Variants in EXOC4 observed in about 807,000 individuals in gnomAD.
The protein encoded by EXOC4 is SEC8-like 1.
EXOC4 carries 71 observed loss-of-function variants against 107.2 expected under a neutral mutation model. The ratio of observed to expected loss-of-function variants is 0.66; its 90% CI spans 0.55 to 0.81. The LOEUF (loss-of-function observed/expected upper bound fraction) is 0.81. Among genes scored for constraint, EXOC4 ranks in the 30% least tolerant of loss-of-function variants. The probability of loss-of-function intolerance (pLI) is 0.00; values close to 1 mark genes in which losing one functional copy is unlikely to be tolerated. For synonymous variants in EXOC4, 456 were observed against 441.2 expected, an observed-to-expected ratio of 1.03 and a Z score of -0.42; for missense variants, 1,108 against 1,189.6, an observed-to-expected ratio of 0.93 and a Z score of 1.01.
chr7:133,926,042 CAAAAAAA>C (rs552126104), intron 13 of EXOC4, among the ~76,000 whole-genome samples: 2 of 104,710 alleles, frequency 1.9e-5, no homozygotes, highest in African/African-American at 3.4e-5. Context: ...GACTCCGTCT[CAAAAAAA>C]AAAAAAAAAA....
At chr7:133,508,563 C>T (rs1239714734) in intron 9 of EXOC4, among the ~76,000 whole-genome samples, 2 of 152,180 alleles carry the variant, frequency 1.3e-5, no homozygotes, top group African/African-American at 4.8e-5. Flanking sequence ...TAGAATTATG[C>T]ATGCGCTGTA....
At chr7:133,748,060 G>T (rs1017747512) in intron 10 of EXOC4, among the ~76,000 whole-genome samples, 1 of 152,022 alleles carries the variant, frequency 6.6e-6, no homozygotes, top group African/African-American at 2.4e-5. Context: ...TTCTCTTCCC[G>T]GGGGCATATA....
At chr7:133,304,032 T>C (rs908660401) in intron 3 of EXOC4, among the ~76,000 whole-genome samples, 1 of 152,234 alleles carries the variant, frequency 6.6e-6, no homozygotes, top group Non-Finnish European at 1.5e-5. Context: ...ATTTGGAACA[T>C]GTACTGTTTG....
In EXOC4 at chr7:133,817,292, A is replaced by G. The variant is rs754610696; in HGVS notation, c.1515-33A>G. 3.3e-6 allele frequency: 5 copies of G among 1,495,002 alleles called. 1 individual carries two copies. The South Asian group carries it at 5.8e-5, about 17-fold the overall frequency. 92.6% of individuals were successfully genotyped at this position (1,495,002 alleles called of 1,614,324 possible). A position where few individuals can be genotyped will look rare whatever the true frequency, so the allele number is the denominator to read the frequency against. On this transcript the variant is annotated intron_variant, in intron 10 of 17. Coordinates refer to ENST00000253861, the MANE Select transcript of EXOC4 (RefSeq NM_021807.4). ...GTATTTATATAACATTTTCCTCATA[A>G]ATTTAATAACCTTCTTACTGTTTGT...
At chr7:133,928,699 A>G (rs1166284214) in intron 13 of EXOC4, among the ~76,000 whole-genome samples, 1 of 152,046 alleles carries the variant, frequency 6.6e-6, no homozygotes, top group Non-Finnish European at 1.5e-5. Flanking sequence ...CTACTGCTGG[A>G]GGGAAAAATA....
At chr7:134,098,625 C>T in the EXOC4 span, among the ~76,000 whole-genome samples, 2 of 152,178 alleles carry the variant, frequency 1.3e-5, no homozygotes, top group Admixed American at 6.5e-5. Context: ...GCCTCTCTAG[C>T]AGTTGGAAGT....
rs200527868 is a variant in EXOC4 at position 133,907,636 on chromosome 7, C to T, written c.1872-9947C>T. ...GTGGATCACCTTGAGGTCAGGATTT[C>T]GAGACCAGCCTGGCCAACATGGTAA... On this transcript the variant is annotated intron_variant, in intron 12 of 17. Coordinates refer to ENST00000253861, the MANE Select transcript of EXOC4 (RefSeq NM_021807.4). 2.8e-4 allele frequency among the ~76,000 whole-genome samples: 43 copies of T among 152,236 alleles called. No homozygotes were observed. In the East Asian group the frequency reaches 4.4e-3, roughly 16 times the overall value.
chr7:133,944,097 C>T (rs1051079771), intron 14 of EXOC4, among the ~76,000 whole-genome samples: 3 of 152,094 alleles, frequency 2.0e-5, no homozygotes, highest in African/African-American at 7.2e-5. Flanking sequence ...TAGTATGATA[C>T]ATATGTTACA....
At chr7:133,481,041 C>A (rs1273950391) in intron 9 of EXOC4, 1 of 131,666 alleles carries the variant, frequency 7.6e-6, no homozygotes, top group Admixed American at 8.4e-5. Flanking sequence ...CAAAGTGAGA[C>A]CATGTCTCAA....
the EXOC4 span, among the ~76,000 whole-genome samples, chr7:134,100,542 T>C: frequency 7.8e-6 from 1 of 128,676 alleles, no homozygotes; most frequent in South Asian, 2.5e-4. Flanking sequence ...TATTTATATA[T>C]TGAGTGCATT....
intron 9 of EXOC4, among the ~76,000 whole-genome samples, chr7:133,550,649 A>T (rs1001902173): frequency 2.0e-5 from 3 of 152,136 alleles, no homozygotes. Flanking sequence ...AAAATAAGAG[A>T]TAAGCGTAAG....
At chr7:133,374,240 G>C (rs940876706) in intron 6 of EXOC4, among the ~76,000 whole-genome samples, 1 of 152,024 alleles carries the variant, frequency 6.6e-6, no homozygotes, top group Admixed American at 6.6e-5. Flanking sequence ...ATATCTCACT[G>C]TGATGAATGA....
At chr7:134,096,504 C>CAAGGTGTAAGTCCCACAAT in the EXOC4 span, among the ~76,000 whole-genome samples, 1 of 152,066 alleles carries the variant, frequency 6.6e-6, no homozygotes, top group Non-Finnish European at 1.5e-5. Flanking sequence ...CATATGATCA[C>CAAGGTGTAAGTCCCACAAT]AAGGTGTAAG....
chr7:133,776,230 C>A (rs202077682), intron 10 of EXOC4, among the ~76,000 whole-genome samples: 1 of 3,400 alleles, frequency 2.9e-4, no homozygotes, highest in Non-Finnish European at 7.6e-4. Context: ...TTCCACCCGT[C>A]GGTTCTATGA....
At chr7:134,084,723 A>AAAAAAAAAAAAAAG in the EXOC4 span, among the ~76,000 whole-genome samples, 11 of 151,530 alleles carry the variant, frequency 7.3e-5, no homozygotes, top group Admixed American at 7.2e-4. Context: ...AAAAAAAAAA[A>AAAAAAAAAAAAAAG]AAAAAAATTC....
At chr7:133,427,919 GAATC>G (rs1797764969) in intron 7 of EXOC4, among the ~76,000 whole-genome samples, 1 of 152,140 alleles carries the variant, frequency 6.6e-6, no homozygotes, top group Non-Finnish European at 1.5e-5. Context: ...TTTGAAGAGA[GAATC>G]AATTTCCTTA....
chr7:133,692,302 T>TA (rs202236810), intron 10 of EXOC4, among the ~76,000 whole-genome samples: 2,182 of 151,636 alleles, frequency 0.014, 41 homozygotes, highest in African/African-American at 0.049. Context: ...TTATTAGTTG[T>TA]AAAAAAAAAT....
chr7:133,830,962 T>TTTTGTTTGTTTGTTTG (rs368634443), intron 11 of EXOC4, among the ~76,000 whole-genome samples: 1 of 152,010 alleles, frequency 6.6e-6, no homozygotes, highest in African/African-American at 2.4e-5. Context: ...TTGACAGTTT[T>TTTTGTTTGTTTGTTTG]TTTGTTTGTT....
chr7:133,390,660 T>A (rs2150715680), intron 7 of EXOC4, among the ~76,000 whole-genome samples: 1 of 152,316 alleles, frequency 6.6e-6, no homozygotes, highest in East Asian at 1.9e-4. Flanking sequence ...GCACCAACAG[T>A]TCCCTTGTGT....
Sources: gnomAD v4.1 joint callset for allele counts (sites outside exome capture counted in the v4.1 genomes callset) on GRCh38, gnomAD v4.1.1 for gene constraint, MANE v1.5 for transcripts, NCBI Gene and HGNC (gene_info 2026-07-23, HGNC 2026-07-21) for gene names.